Variants in CLIP4 observed in about 807,000 individuals in gnomAD.
CLIP4 encodes the protein CAP-Gly domain-containing linker protein 4.
Under a neutral mutation model 73.1 loss-of-function variants are expected in CLIP4, and 47 were observed. That is an observed-to-expected ratio of 0.64 (90% confidence interval 0.51 to 0.82). The LOEUF is 0.82. Ranked by LOEUF, CLIP4 falls within the 40% of genes least tolerant of loss-of-function variation. The probability of loss-of-function intolerance (pLI) is 0.00; values close to 1 mark genes in which losing one functional copy is unlikely to be tolerated. For missense variants in CLIP4, 874 were observed against 852.9 expected (o/e 1.02, Z -0.31); for synonymous variants, 306 against 295.4 (o/e 1.04, Z -0.37).
intron 2 of CLIP4, among the ~76,000 whole-genome samples, chr2:29,122,026 G>A (rs1295669308): frequency 6.6e-6 from 1 of 152,116 alleles, no homozygotes; most frequent in Non-Finnish European, 1.5e-5. Flanking sequence ...CATAATAAAA[G>A]GGAACCAGGA....
At chr2:29,138,135 C>T (rs577874318) in intron 6 of CLIP4, among the ~76,000 whole-genome samples, 8 of 151,986 alleles carry the variant, frequency 5.3e-5, no homozygotes, top group Admixed American at 2.0e-4. Context: ...TTTTGTAGTT[C>T]GAGGTCTTAC....
At chr2:29,132,002 A>G (rs1352711686) in intron 3 of CLIP4, 150 bp from the exon 4 acceptor site, 2 of 546,286 alleles carry the variant, frequency 3.7e-6, no homozygotes, top group Non-Finnish European at 6.4e-6. Context: ...AGATTTAAAA[A>G]TTTACCCTTA....
intron 1 of CLIP4, among the ~76,000 whole-genome samples, chr2:29,100,338 A>T (rs1454946550): frequency 6.6e-6 from 1 of 152,152 alleles, no homozygotes; most frequent in Non-Finnish European, 1.5e-5. Flanking sequence ...TTTGGAAAAA[A>T]ATATGAAATT....
intron 12 of CLIP4, among the ~76,000 whole-genome samples, chr2:29,162,286 A>G (rs1667343463): frequency 6.6e-6 from 1 of 152,204 alleles, no homozygotes; most frequent in Admixed American, 6.5e-5. Flanking sequence ...TGTTAAAAAC[A>G]TTCTGTCCTG....
chr2:29,146,269 C>T (rs1666159460), intron 8 of CLIP4, among the ~76,000 whole-genome samples: 1 of 152,160 alleles, frequency 6.6e-6, no homozygotes, highest in African/African-American at 2.4e-5. Flanking sequence ...CCCTCAAATC[C>T]TGCACCTAGT....
At position 29,143,899 on chromosome 2, in the gene CLIP4, C is replaced by T; in HGVS notation, c.839C>T (p.Ser280Leu). The change falls in exon 7 of 16, where the codon TCA becomes TTA. Residue 280 changes from serine (S) to leucine (L), a missense_variant. Physicochemically the swap from Ser to Leu is moderately radical, Grantham distance 145. Coordinates refer to ENST00000320081, the MANE Select transcript of CLIP4 (RefSeq NM_024692.6). ...GTCACTGGCAAGGCAATGCTTACGTCACTTGGCCTGAAGTTGGGGGATCGT... is the reference window on the plus strand; with the variant it reads ...GTCACTGGCAAGGCAATGCTTACGTTACTTGGCCTGAAGTTGGGGGATCGT... ...DHVTGKAMLTSLGLKLGDRVV... is the reference protein window; with the variant it reads ...DHVTGKAMLTLLGLKLGDRVV... The T allele has an allele frequency of 6.2e-7, 1 of 1,614,154 alleles. No individual in the cohort carries two copies. The highest frequency in any genetic ancestry group is 1.3e-5 in the African/African-American group (1 of 75,052).
At chr2:29,102,841 G>C (rs1437545388) in intron 1 of CLIP4, among the ~76,000 whole-genome samples, 2 of 152,128 alleles carry the variant, frequency 1.3e-5, no homozygotes, top group African/African-American at 4.8e-5. Flanking sequence ...GGCCAGGCTG[G>C]TCACGAACTC....
At chr2:29,141,855 G>A (rs1468350348) in intron 6 of CLIP4, among the ~76,000 whole-genome samples, 1 of 152,000 alleles carries the variant, frequency 6.6e-6, no homozygotes, top group Non-Finnish European at 1.5e-5. Flanking sequence ...CCTGTTTCAT[G>A]TTAGCTAGTT....
intron 1 of CLIP4, among the ~76,000 whole-genome samples, chr2:29,117,787 T>A (rs1025079446): frequency 6.6e-6 from 1 of 152,240 alleles, no homozygotes; most frequent in Non-Finnish European, 1.5e-5. Flanking sequence ...ACTTACTACT[T>A]TCAACTTTCT....
upstream of CLIP4, among the ~76,000 whole-genome samples, chr2:29,111,917 CCATTTAT>C (rs1424681484): frequency 5.3e-5 from 8 of 152,284 alleles, no homozygotes; most frequent in African/African-American, 1.9e-4. Flanking sequence ...TGTAGGTCTG[CCATTTAT>C]CTGGAGTTCA....
intron 2 of CLIP4, among the ~76,000 whole-genome samples, chr2:29,124,007 T>A (rs1169901797): frequency 6.6e-6 from 1 of 152,218 alleles, no homozygotes; most frequent in Admixed American, 6.5e-5. Flanking sequence ...TTATATATTT[T>A]GCTTAAACAT....
At chr2:29,154,847 A>G (rs192141593) in intron 9 of CLIP4, among the ~76,000 whole-genome samples, 1 of 152,168 alleles carries the variant, frequency 6.6e-6, no homozygotes, top group Non-Finnish European at 1.5e-5. Flanking sequence ...CGGAACCCAC[A>G]TCAGAACCAC....
intron 1 of CLIP4, among the ~76,000 whole-genome samples, chr2:29,099,509 T>A (rs2148428425): frequency 6.6e-6 from 1 of 152,366 alleles, no homozygotes; most frequent in East Asian, 1.9e-4. Context: ...ATCAGTGGAC[T>A]ATATTTGAGT....
At chr2:29,178,567 C>G (rs1668475531) in intron 15 of CLIP4, among the ~76,000 whole-genome samples, 1 of 152,128 alleles carries the variant, frequency 6.6e-6, no homozygotes, top group Admixed American at 6.5e-5. Flanking sequence ...TGCTCATATT[C>G]CCATATTGTT....
At chr2:29,177,592 AAT>A (rs1274366265) in intron 15 of CLIP4, among the ~76,000 whole-genome samples, 1 of 151,710 alleles carries the variant, frequency 6.6e-6, no homozygotes. Flanking sequence ...AAAAAAAAGT[AAT>A]ATATATATTT....
At chr2:29,109,270 A>G (rs917034162) in intron 1 of CLIP4, among the ~76,000 whole-genome samples, 1 of 152,130 alleles carries the variant, frequency 6.6e-6, no homozygotes, top group African/African-American at 2.4e-5. Flanking sequence ...CTGGTACCCG[A>G]AACTTAGCTT....
chr2:29,101,300 CA>C (rs1174781959), intron 1 of CLIP4, among the ~76,000 whole-genome samples: 29 of 83,530 alleles, frequency 3.5e-4, no homozygotes, highest in South Asian at 7.7e-4. Flanking sequence ...CCCCCCAAAA[CA>C]AAAAAAAAAA....
chr2:29,116,208 A>C (rs559810119), intron 1 of CLIP4, among the ~76,000 whole-genome samples: 2 of 152,178 alleles, frequency 1.3e-5, no homozygotes, highest in South Asian at 2.1e-4. Flanking sequence ...AGTTGAAAGG[A>C]GCGCTGGAGC....
chr2:29,130,895 A>T, intron 2 of CLIP4: 1 of 1,290,524 alleles, frequency 7.7e-7, no homozygotes. Context: ...GTGGTGAGTT[A>T]CCTCAGCAAG....
Sources: gnomAD v4.1 joint callset for allele counts (sites outside exome capture counted in the v4.1 genomes callset) on GRCh38, gnomAD v4.1.1 for gene constraint, MANE v1.5 for transcripts, NCBI Gene and HGNC (gene_info 2026-07-23, HGNC 2026-07-21) for gene names.